Variants in FBN2 observed in about 807,000 individuals in gnomAD.
The protein encoded by FBN2 is fibrillin-2.
In FBN2, 105 loss-of-function variants were observed where a neutral mutation model predicts 355.6. The ratio of observed to expected loss-of-function variants is 0.30; its 90% CI spans 0.25 to 0.35. FBN2 has a LOEUF of 0.35. Ranked by LOEUF, FBN2 falls within the 10% of genes least tolerant of loss-of-function variation. The pLI is 1.00. For missense variants in FBN2, 3,280 were observed against 3,758.7 expected (o/e 0.87, Z 3.33); for synonymous variants, 1,350 against 1,301.2 (o/e 1.04, Z -0.81).
intron 16 of FBN2, among the ~76,000 whole-genome samples, chr5:128,366,856 C>T (rs539104253): frequency 6.6e-6 from 1 of 152,216 alleles, no homozygotes; most frequent in East Asian, 1.9e-4. Context: ...CCCAATACCA[C>T]AAACTAAATA....
intron 5 of FBN2, among the ~76,000 whole-genome samples, chr5:128,499,131 A>C (rs552098732): frequency 6.6e-6 from 1 of 152,274 alleles, no homozygotes; most frequent in Non-Finnish European, 1.5e-5. Flanking sequence ...CATAAAGTTG[A>C]CTATTCCAAA....
At chr5:128,340,671 C>T (rs887426577) in intron 25 of FBN2, among the ~76,000 whole-genome samples, 7 of 152,126 alleles carry the variant, frequency 4.6e-5, no homozygotes, top group African/African-American at 1.7e-4. Flanking sequence ...CTACTGAGAA[C>T]AGGGCCTTGG....
At chr5:128,433,276 A>G (rs565467544) in intron 7 of FBN2, among the ~76,000 whole-genome samples, 12 of 152,204 alleles carry the variant, frequency 7.9e-5, no homozygotes, top group Admixed American at 1.3e-4. Flanking sequence ...AAGAAGGCCT[A>G]CTTCCTCTAT....
At chr5:128,505,724 T>A (rs1317315240) in intron 5 of FBN2, among the ~76,000 whole-genome samples, 1 of 106,624 alleles carries the variant, frequency 9.4e-6, no homozygotes, top group Non-Finnish European at 1.8e-5. Flanking sequence ...CATAATGTAT[T>A]TACTCTTTTT....
chr5:128,261,019 T>C (rs2126793108), intron 64 of FBN2, among the ~76,000 whole-genome samples: 1 of 152,308 alleles, frequency 6.6e-6, no homozygotes, highest in East Asian at 1.9e-4. Flanking sequence ...AGTTCACATG[T>C]TTCAATTCAA....
At chr5:128,414,539 G>C (rs1224697225) in intron 7 of FBN2, among the ~76,000 whole-genome samples, 1 of 151,934 alleles carries the variant, frequency 6.6e-6, no homozygotes, top group Non-Finnish European at 1.5e-5. Context: ...ATGAATACTT[G>C]GGTTATTTCC....
At chr5:128,425,299 T>G (rs1170522199) in intron 7 of FBN2, among the ~76,000 whole-genome samples, 5 of 152,180 alleles carry the variant, frequency 3.3e-5, no homozygotes, top group Non-Finnish European at 5.9e-5. Flanking sequence ...TTCATCCAAT[T>G]TCCTCACTTT....
At chr5:128,372,278 A>C (rs1751963803) in intron 15 of FBN2, among the ~76,000 whole-genome samples, 1 of 152,218 alleles carries the variant, frequency 6.6e-6, no homozygotes, top group Non-Finnish European at 1.5e-5. Context: ...ATTTTGAATG[A>C]ATGGGAAAGA....
intron 34 of FBN2, chr5:128,327,948 T>G (rs1455102264): frequency 6.6e-6 from 1 of 152,346 alleles, no homozygotes; most frequent in Non-Finnish European, 1.5e-5. Context: ...CAAACTGAGT[T>G]TTTTTAAAGG....
At position 128,374,312 on chromosome 5, in the gene FBN2, G is replaced by T. The variant is rs888588985; in HGVS notation, c.2095+316C>A. Among the ~76,000 whole-genome samples the T allele has an allele frequency of 6.6e-5, 10 of 152,016 alleles. 1 individual carries two copies. Among genetic ancestry groups the T allele is most frequent in the Admixed American group, 6.6e-4 (10 of 15,240 alleles). On this transcript the variant is annotated intron_variant, in intron 15 of 64. Coordinates refer to ENST00000262464, the MANE Select transcript of FBN2 (RefSeq NM_001999.4). ...TCATCCATCACTACAGATGATTTTA[G>T]AACATTTTAATCACCTCAAAAATAT...
intron 34 of FBN2, among the ~76,000 whole-genome samples, chr5:128,323,883 C>T (rs1313308014): frequency 1.3e-5 from 2 of 152,116 alleles, no homozygotes; most frequent in South Asian, 2.1e-4. Context: ...CCTATTTGTA[C>T]CTCTGGATGA....
chr5:128,477,476 G>T (rs1755036711), intron 5 of FBN2, among the ~76,000 whole-genome samples: 1 of 152,106 alleles, frequency 6.6e-6, no homozygotes, highest in Non-Finnish European at 1.5e-5. Context: ...AAAGATAAAA[G>T]TTTTAGAGAC....
intron 41 of FBN2, 63 bp downstream of exon 41, chr5:128,309,184 C>A: frequency 6.4e-7 from 1 of 1,556,376 alleles, no homozygotes; most frequent in Non-Finnish European, 8.9e-7. Context: ...TTTGACTATA[C>A]TGTTAGATAT....
intron 8 of FBN2, among the ~76,000 whole-genome samples, chr5:128,407,413 T>C (rs573019656): frequency 1.3e-5 from 2 of 152,316 alleles, no homozygotes; most frequent in East Asian, 3.9e-4. Flanking sequence ...GAATATTTTA[T>C]TGGACACTTA....
chr5:128,386,593 T>G (rs1450159422), intron 11 of FBN2, among the ~76,000 whole-genome samples: 1 of 152,164 alleles, frequency 6.6e-6, no homozygotes, highest in Non-Finnish European at 1.5e-5. Flanking sequence ...ATAGCTAGAA[T>G]CTGTAAATTG....
intron 20 of FBN2, among the ~76,000 whole-genome samples, chr5:128,354,486 T>G (rs778463445): frequency 8.5e-5 from 13 of 152,302 alleles, no homozygotes; most frequent in South Asian, 2.1e-4. Flanking sequence ...CTCTGATTTA[T>G]GTTTTAAAAG....
intron 15 of FBN2, among the ~76,000 whole-genome samples, chr5:128,372,700 C>T (rs1209740981): frequency 6.6e-6 from 1 of 152,142 alleles, no homozygotes; most frequent in African/African-American, 2.4e-5. Context: ...CCATGGAGCC[C>T]AGACTGGTTT....
At position 128,289,259 on chromosome 5, in the gene FBN2, T is replaced by C. The variant is rs201462445; in HGVS notation, c.6512-7A>G. Reference sequence around the variant, plus strand: ...TCAAGACACTCATTGACATCTAAAATATAGAACTGCATGTGAATTTCCTCA... The same window carrying C: ...TCAAGACACTCATTGACATCTAAAACATAGAACTGCATGTGAATTTCCTCA... On this transcript the variant is annotated splice_region_variant and splice_polypyrimidine_tract_variant and intron_variant, in intron 51 of 64. Coordinates refer to ENST00000262464, the MANE Select transcript of FBN2 (RefSeq NM_001999.4). 8.0e-5 allele frequency: 129 copies of C among 1,613,584 alleles called. No homozygotes were observed. Among genetic ancestry groups the C allele is most frequent in the Middle Eastern group, 1.6e-4 (1 of 6,084 alleles).
chr5:128,512,119 C>T (rs1756145688), intron 5 of FBN2, among the ~76,000 whole-genome samples: 1 of 151,994 alleles, frequency 6.6e-6, no homozygotes, highest in Non-Finnish European at 1.5e-5. Flanking sequence ...ACCAAAAATC[C>T]CACAAAAGGT....
Sources: allele counts gnomAD v4.1 joint callset (sites outside exome capture counted in the v4.1 genomes callset), GRCh38; gene constraint gnomAD v4.1.1; transcripts MANE v1.5; gene names NCBI Gene and HGNC (gene_info 2026-07-23, HGNC 2026-07-21).